PTPRD: variants seen among roughly 807,000 people sequenced by gnomAD.
PTPRD encodes receptor-type tyrosine-protein phosphatase delta.
PTPRD carries 34 observed loss-of-function variants against 214.5 expected under a neutral mutation model. The ratio of observed to expected loss-of-function variants is 0.16; its 90% CI spans 0.12 to 0.21. PTPRD has a LOEUF of 0.21. PTPRD is among the 10% of genes least tolerant of loss of function. The probability of loss-of-function intolerance (pLI) is 1.00; values close to 1 mark genes in which losing one functional copy is unlikely to be tolerated. For missense variants in PTPRD, 2,545 were observed against 2,398.7 expected, an observed-to-expected ratio of 1.06 and a Z score of -1.27; for synonymous variants, 1,128 against 845.7, an observed-to-expected ratio of 1.33 and a Z score of -5.79.
At chr9:8,652,217 T>G (rs1258161579) in intron 12 of PTPRD, among the ~76,000 whole-genome samples, 1 of 152,228 alleles carries the variant, frequency 6.6e-6, no homozygotes, top group African/African-American at 2.4e-5. Flanking sequence ...CAATATAGAA[T>G]GCATGCCGAA....
chr9:8,567,778 TTCTC>T (rs2089844217), intron 14 of PTPRD, among the ~76,000 whole-genome samples: 1 of 152,186 alleles, frequency 6.6e-6, no homozygotes, highest in East Asian at 1.9e-4. Context: ...TTAGTCTTAT[TTCTC>T]TCTCTTACAA....
At chr9:8,933,406 C>A (rs1334622884) in intron 11 of PTPRD, among the ~76,000 whole-genome samples, 1 of 132,572 alleles carries the variant, frequency 7.5e-6, no homozygotes, top group Non-Finnish European at 1.5e-5. Flanking sequence ...ATAATTTATC[C>A]CTTTCTTATA....
rs182260836 is a variant in PTPRD at position 9,300,327 on chromosome 9, C to T, written c.-203+97122G>A. Reference sequence around the variant, plus strand: ...CACTATTTTGTATCTTAAGCTCCTCCTTCCAGATCAATGTATTCCAGTGAC... The same window carrying T: ...CACTATTTTGTATCTTAAGCTCCTCTTTCCAGATCAATGTATTCCAGTGAC... On this transcript the variant is annotated intron_variant, in intron 9 of 45. Coordinates refer to ENST00000381196, the MANE Select transcript of PTPRD (RefSeq NM_002839.4). Among the ~76,000 whole-genome samples the T allele has an allele frequency of 2.0e-5, 3 of 151,798 alleles. No individual in the cohort carries two copies. The East Asian group carries it at 5.9e-4, about 30-fold the overall frequency.
chr9:10,407,343 T>C (rs1436368212), intron 2 of PTPRD, among the ~76,000 whole-genome samples: 3 of 151,560 alleles, frequency 2.0e-5, no homozygotes, highest in Non-Finnish European at 4.4e-5. Flanking sequence ...GACACACAGA[T>C]GTGAATATCT....
In PTPRD at chr9:10,291,567, G is replaced by C. The variant is rs529839571; in HGVS notation, c.-545+49396C>G. On this transcript the variant is annotated intron_variant, in intron 3 of 45. Transcript: ENST00000381196. ...GTGATAGAAGCAGAGAGAGAGACTT[G>C]AAGATGCTACACTGCTGGCTTTGAA... 2.0e-3 allele frequency among the ~76,000 whole-genome samples: 299 copies of C among 152,102 alleles called. 3 individuals carry two copies. Among genetic ancestry groups the C allele is most frequent in the African/African-American group, 7.0e-3 (291 of 41,522 alleles).
chr9:8,847,003 G>A (rs1272098552), intron 11 of PTPRD, among the ~76,000 whole-genome samples: 1 of 152,142 alleles, frequency 6.6e-6, no homozygotes, highest in Non-Finnish European at 1.5e-5. Flanking sequence ...AGCATGAGAA[G>A]ATGGGGGCCT....
At chr9:10,487,534 T>C (rs1211642244) in intron 2 of PTPRD, among the ~76,000 whole-genome samples, 1 of 152,316 alleles carries the variant, frequency 6.6e-6, no homozygotes, top group African/African-American at 2.4e-5. Flanking sequence ...AACCCATTAT[T>C]TTAAGCTGAT....
intron 8 of PTPRD, among the ~76,000 whole-genome samples, chr9:9,566,647 C>T (rs2084632694): frequency 6.6e-6 from 1 of 151,822 alleles, no homozygotes. Context: ...ATAAAATTAG[C>T]ACAATTTACA....
chr9:10,278,004 C>CA (rs1564966686), intron 3 of PTPRD, among the ~76,000 whole-genome samples: 1 of 151,856 alleles, frequency 6.6e-6, no homozygotes, highest in African/African-American at 2.4e-5. Context: ...ACTAAAAATA[C>CA]AAAAAATTGG....
At chr9:10,502,589 C>T (rs868608505) in intron 2 of PTPRD, among the ~76,000 whole-genome samples, 5 of 151,972 alleles carry the variant, frequency 3.3e-5, no homozygotes, top group Non-Finnish European at 7.4e-5. Context: ...TGGAAAAATA[C>T]AGAATAAATA....
intron 30 of PTPRD, among the ~76,000 whole-genome samples, chr9:8,480,913 T>C (rs1038274915): frequency 7.2e-5 from 11 of 151,806 alleles, no homozygotes; most frequent in Non-Finnish European, 1.6e-4. Flanking sequence ...GGCTGAGGGG[T>C]TGGATCACGA....
intron 11 of PTPRD, among the ~76,000 whole-genome samples, chr9:8,794,878 C>T (rs934124006): frequency 4.6e-5 from 7 of 151,382 alleles, no homozygotes; most frequent in African/African-American, 1.7e-4. Flanking sequence ...AAACATCAAA[C>T]TGTCCAAATG....
rs1434260545 is a variant in PTPRD at position 10,256,756 on chromosome 9, G to C, written c.-545+84207C>G. On this transcript the variant is annotated intron_variant, in intron 3 of 45. Transcript: ENST00000381196. ...TGTTCTACCTGCTTCTCTAGGCTCA[G>C]TATTCATCATGTGTCTTTTGAAAAT... Among the ~76,000 whole-genome samples, 5 of 152,200 alleles carry C rather than the reference G, an allele frequency of 3.3e-5. No individual in the cohort carries two copies. In the East Asian group the frequency reaches 7.8e-4, roughly 24 times the overall value.
chr9:9,356,609 G>T (rs1241163335), intron 9 of PTPRD, among the ~76,000 whole-genome samples: 1 of 151,418 alleles, frequency 6.6e-6, no homozygotes, highest in African/African-American at 2.4e-5. Flanking sequence ...GGAAAAAGTA[G>T]TGATGGGGAG....
Position 8,436,946 on chromosome 9 carries a change from T to A in PTPRD, c.3989-257A>T, listed in dbSNP as rs145150850. Among the ~76,000 whole-genome samples, 1,186 of 152,268 alleles carry A rather than the reference T, an allele frequency of 7.8e-3. 9 individuals are homozygous for A. Among genetic ancestry groups the A allele is most frequent in the Non-Finnish European group, 0.012 (836 of 68,008 alleles). On this transcript the variant is annotated intron_variant, in intron 34 of 45. Coordinates refer to ENST00000381196, the MANE Select transcript of PTPRD (RefSeq NM_002839.4). Reference sequence around the variant, plus strand: ...ACTCCTAGTGTAAAAGAAAGCGTTATTGTGCTATGAATCAATAAGGTTAGC... The same window carrying A: ...ACTCCTAGTGTAAAAGAAAGCGTTAATGTGCTATGAATCAATAAGGTTAGC...
rs181925309 is a variant in PTPRD, at chr9:9,332,729, T to C, written c.-203+64720A>G. Among the ~76,000 whole-genome samples the C allele has an allele frequency of 7.6e-4, 116 of 151,942 alleles. No individual in the cohort carries two copies. In the East Asian group the frequency reaches 0.021, roughly 27 times the overall value. On this transcript the variant is annotated intron_variant, in intron 9 of 45. Coordinates refer to ENST00000381196, the MANE Select transcript of PTPRD (RefSeq NM_002839.4). ...CTGTGCTTATACTGAGATGGAAATA[T>C]GAAAATACATTTGTACAGAGGAGGG...
At chr9:9,372,435 C>A (rs1216454763) in intron 9 of PTPRD, among the ~76,000 whole-genome samples, 1 of 151,964 alleles carries the variant, frequency 6.6e-6, no homozygotes, top group East Asian at 1.9e-4. Flanking sequence ...AGGATTGCAA[C>A]CCCTGTCTTT....
intron 14 of PTPRD, among the ~76,000 whole-genome samples, chr9:8,545,740 T>C (rs1337467148): frequency 6.6e-6 from 1 of 152,206 alleles, no homozygotes; most frequent in African/African-American, 2.4e-5. Context: ...TCAAATGGTG[T>C]TTAAAAGGGC....
intron 37 of PTPRD, among the ~76,000 whole-genome samples, chr9:8,383,836 G>A (rs973219829): frequency 1.5e-4 from 23 of 152,088 alleles, no homozygotes; most frequent in South Asian, 2.1e-4. Flanking sequence ...CTCTACTATG[G>A]GCAAGGAATG....
Sources: allele counts gnomAD v4.1 joint callset (sites outside exome capture counted in the v4.1 genomes callset), GRCh38; gene constraint gnomAD v4.1.1; transcripts MANE v1.5; gene names NCBI Gene and HGNC (gene_info 2026-07-23, HGNC 2026-07-21).